Variants in KNDC1 observed in about 807,000 individuals in gnomAD.
KNDC1 encodes the protein kinase non-catalytic C-lobe domain containing 1, also known as kinase non-catalytic C-lobe domain-containing protein 1.
KNDC1 carries 106 observed loss-of-function variants against 172.8 expected under a neutral mutation model. The observed-to-expected ratio is 0.61, with a 90% CI of 0.52 to 0.72. The LOEUF (loss-of-function observed/expected upper bound fraction) is 0.72. Ranked by LOEUF, KNDC1 falls within the 30% of genes least tolerant of loss-of-function variation. The pLI is 0.00. For synonymous variants in KNDC1, 1,083 were observed against 1,062.2 expected (o/e 1.02, Z -0.38); for missense variants, 2,325 against 2,394.5 (o/e 0.97, Z 0.61).
chr10:133,185,465 A>AGAGTAGGCAGTGTGTGCAGTGTG (rs1564883576), intron 5 of KNDC1, among the ~76,000 whole-genome samples: 9 of 43,754 alleles, frequency 2.1e-4, no homozygotes. Context: ...TGTGCAGTGT[A>AGAGTAGGCAGTGTGTGCAGTGTG]GAGTAGGCAG....
chr10:133,167,407 C>G lies in KNDC1; in HGVS notation c.129C>G (p.Leu43=), dbSNP rs1475729029. 1.3e-6 allele frequency: 2 copies of G among 1,597,534 alleles called. No individual in the cohort carries two copies. The highest frequency in any genetic ancestry group is 1.7e-5 in the Admixed American group (1 of 57,610). ...DEENVSLADI[L]SLRDRGLSEQ... Reference sequence around the variant, plus strand: ...AGAACGTGTCTCTGGCTGACATCCTCTCCCTGCGGGACCGCGGCCTCAGCG... The same window carrying G: ...AGAACGTGTCTCTGGCTGACATCCTGTCCCTGCGGGACCGCGGCCTCAGCG... The change falls in exon 2 of 30, where the codon CTC becomes CTG. Residue 43 remains leucine, a synonymous_variant. Transcript: ENST00000304613.
intron 12 of KNDC1, 120 bp from the exon 13 acceptor site, chr10:133,198,217 G>A (rs1854247634): frequency 1.7e-6 from 2 of 1,207,362 alleles, no homozygotes; most frequent in Non-Finnish European, 2.3e-6. Flanking sequence ...CCAGGGCCAT[G>A]CGGGAGGGGA....
intron 3 of KNDC1, among the ~76,000 whole-genome samples, chr10:133,182,845 C>T (rs1052653593): frequency 2.6e-5 from 4 of 151,802 alleles, no homozygotes; most frequent in Admixed American, 6.6e-5. Flanking sequence ...GCAGTGTGGG[C>T]GCAGGTGGTG....
Position 133,166,716 on chromosome 10 carries a change from G to A in KNDC1, c.103-665G>A, listed in dbSNP as rs141155132. On this transcript the variant is annotated intron_variant, in intron 1 of 29. Coordinates refer to ENST00000304613, the MANE Select transcript of KNDC1 (RefSeq NM_152643.8). ...CGTGTGTCTGTGTGAGGGTGAGCAC[G>A]TGTGCTAGGTGGGTATGTTTGTGCA... 8.0e-4 allele frequency among the ~76,000 whole-genome samples: 122 copies of A among 151,754 alleles called. 1 individual carries two copies. In the East Asian group the frequency reaches 0.021, roughly 26 times the overall value.
At chr10:133,176,198 G>A (rs1156689478) in intron 3 of KNDC1, among the ~76,000 whole-genome samples, 1 of 151,890 alleles carries the variant, frequency 6.6e-6, no homozygotes, top group African/African-American at 2.4e-5. Flanking sequence ...GTGGGTGGAT[G>A]TGTGGAGGAT....
rs199814794 is a variant in KNDC1 at position 133,201,664 on chromosome 10, C to T, written c.3153C>T (p.Gly1051=). 31 of 1,612,712 alleles carry T rather than the reference C, an allele frequency of 1.9e-5. No homozygotes were observed. The highest frequency in any genetic ancestry group is 5.0e-5 in the Admixed American group (3 of 60,010). The change falls in exon 17 of 30, where the codon GGC becomes GGT. Residue 1051 remains glycine, a synonymous_variant. Transcript: ENST00000304613. The part of the protein sequence containing the change: ...KAERAQQPEA[G]EDRRPAGGAS... Reference sequence around the variant, plus strand: ...AGAGAGCGCAGCAGCCTGAGGCTGGCGAGGACAGACGGCCAGCTGGCGGGG... The same window carrying T: ...AGAGAGCGCAGCAGCCTGAGGCTGGTGAGGACAGACGGCCAGCTGGCGGGG...
At chr10:133,169,096 A>G (rs1853286366) in intron 3 of KNDC1, among the ~76,000 whole-genome samples, 1 of 152,218 alleles carries the variant, frequency 6.6e-6, no homozygotes, top group South Asian at 2.1e-4. Context: ...CAAATAAGTA[A>G]CTAGGAACTC....
chr10:133,175,585 A>AGATG (rs138113417), intron 3 of KNDC1, among the ~76,000 whole-genome samples: 3,298 of 146,376 alleles, frequency 0.023, 46 homozygotes, highest in Middle Eastern at 0.036. Flanking sequence ...ATGGATGGGT[A>AGATG]GATGGATGGA....
chr10:133,219,667 G>A (rs1845541358), intron 28 of KNDC1, among the ~76,000 whole-genome samples: 1 of 152,186 alleles, frequency 6.6e-6, no homozygotes, highest in Admixed American at 6.5e-5. Flanking sequence ...GGCACTTCCT[G>A]GAGTCCAGCA....
intron 17 of KNDC1, among the ~76,000 whole-genome samples, chr10:133,205,302 C>T (rs1274080187): frequency 3.3e-5 from 5 of 152,218 alleles, no homozygotes; most frequent in African/African-American, 1.2e-4. Context: ...GGGAGGCGCT[C>T]AGCCCCAGCT....
intron 17 of KNDC1, among the ~76,000 whole-genome samples, chr10:133,204,028 G>A (rs942699509): frequency 5.9e-5 from 9 of 152,298 alleles, no homozygotes; most frequent in African/African-American, 1.9e-4. Flanking sequence ...AGATTTTCTC[G>A]ACATCAGCAC....
chr10:133,161,625 G>A (rs759815546), intron 1 of KNDC1, among the ~76,000 whole-genome samples: 6 of 152,166 alleles, frequency 3.9e-5, no homozygotes, highest in Non-Finnish European at 8.8e-5. Flanking sequence ...GCTGTGCGGG[G>A]GTTGGCGATG....
chr10:133,177,958 T>C (rs1853598594), intron 3 of KNDC1, among the ~76,000 whole-genome samples: 1 of 148,652 alleles, frequency 6.7e-6, no homozygotes, highest in Admixed American at 6.7e-5. Context: ...TGTAGCATGA[T>C]GTATGTGTGT....
At chr10:133,219,828 G>C in intron 28 of KNDC1, 127 bp from the exon 29 acceptor site, 3 of 917,466 alleles carry the variant, frequency 3.3e-6, no homozygotes, top group Non-Finnish European at 4.7e-6. Context: ...TCAGAGAGCC[G>C]GGTAGACCCC....
rs189947159 is a variant in KNDC1, at chr10:133,184,009, C to G, written c.625+20C>G. 1 of 1,405,004 alleles carries G rather than the reference C, an allele frequency of 7.1e-7. No homozygotes were observed. Among genetic ancestry groups the G allele is most frequent in the Non-Finnish European group, 9.8e-7 (1 of 1,021,124 alleles). The allele number at this position is 1,405,004 out of a possible 1,614,324, so 87.0% of individuals were successfully genotyped here. A position where few individuals can be genotyped will look rare whatever the true frequency, so the allele number is the denominator to read the frequency against. On this transcript the variant is annotated intron_variant, in intron 5 of 29. Transcript: ENST00000304613. ...TGCAGGGTGAGTTCTTGAACCCACA[C>G]ACGTGCATCCTCATGCACATATACC...
chr10:133,184,151 GCACA>G (rs377518090), intron 5 of KNDC1, among the ~76,000 whole-genome samples, 162 bp downstream of exon 5: 2,279 of 132,930 alleles, frequency 0.017, 58 homozygotes, highest in African/African-American at 0.06. Context: ...ACACACCCAT[GCACA>G]CACACTGCAC....
intron 9 of KNDC1, 32 bp from the exon 10 acceptor site, chr10:133,195,631 C>G (rs202120582): frequency 6.6e-7 from 1 of 1,512,424 alleles, no homozygotes; most frequent in Admixed American, 2.1e-5. Context: ...CACAGCCCTG[C>G]GGTAGACACT....
chr10:133,197,174 G>T (rs145667880), intron 11 of KNDC1, 39 bp downstream of exon 11: 2 of 1,519,250 alleles, frequency 1.3e-6, no homozygotes, highest in Admixed American at 3.4e-5. Context: ...CCTCCGCCGC[G>T]CTTAGCTTCC....
chr10:133,193,510 A>G (rs1285340493), intron 9 of KNDC1, among the ~76,000 whole-genome samples: 5 of 152,184 alleles, frequency 3.3e-5, no homozygotes, highest in Admixed American at 3.3e-4. Context: ...GGGCGACAAG[A>G]GCGAGACCCT....
Sources: allele counts gnomAD v4.1 joint callset (sites outside exome capture counted in the v4.1 genomes callset), GRCh38; gene constraint gnomAD v4.1.1; transcripts MANE v1.5; gene names NCBI Gene and HGNC (gene_info 2026-07-23, HGNC 2026-07-21).